Variants in C1orf115 observed in about 807,000 individuals in gnomAD.
The protein encoded by C1orf115 is chromosome 1 open reading frame 115.
A neutral mutation model predicts 12.5 loss-of-function variants in C1orf115; 14 were observed. The ratio of observed to expected loss-of-function variants is 1.12; its 90% CI spans 0.74 to 1.75. The LOEUF (loss-of-function observed/expected upper bound fraction) is 1.75. Among genes scored for constraint, C1orf115 ranks in the 40% most tolerant of loss-of-function variants. C1orf115 has a pLI of 0.00. For synonymous variants in C1orf115, 109 were observed against 104.6 expected (o/e 1.04, Z -0.26); for missense variants, 237 against 220.8 (o/e 1.07, Z -0.46).
rs1670214182 is a variant in C1orf115, at chr1:220,697,590, C to T, written c.*859C>T. 6.6e-6 allele frequency: 1 copy of T among 152,352 alleles called. No homozygotes were observed. Among genetic ancestry groups the T allele is most frequent in the Admixed American group, 6.5e-5 (1 of 15,288 alleles). 9.4% of individuals were successfully genotyped at this position (152,352 alleles called of 1,614,324 possible). ...GCTGTGGTCAGGGTGCTACTAGCAC[C>T]ATCAGCGCACTCCCGCCATTGGCTC... On this transcript the variant is annotated 3_prime_UTR_variant, in exon 2 of 2. Coordinates refer to ENST00000294889, the MANE Select transcript of C1orf115 (RefSeq NM_024709.5). This position sits in a 1 kb window ranked among gnomAD's most constrained non-coding sequence, Gnocchi z 4.5.
At chr1:220,696,272 C>T (rs1185430933) in intron 1 of C1orf115, among the ~76,000 whole-genome samples, 1 of 152,180 alleles carries the variant, frequency 6.6e-6, no homozygotes, top group Non-Finnish European at 1.5e-5. Flanking sequence ...GAGGAGTGAT[C>T]TTTGGTTTAA....
At position 220,690,459 on chromosome 1, in the gene C1orf115, G is replaced by T; in HGVS notation, c.57G>T (p.Gly19=). The change falls in exon 1 of 2, where the codon GGG becomes GGT. Residue 19 remains glycine, a synonymous_variant. Coordinates refer to ENST00000294889, the MANE Select transcript of C1orf115 (RefSeq NM_024709.5). ...CGGAGAGCAGCCTCCTGCGCCGCGG[G>T]CCCCGAGGGCGAGGGCGAACCGAGG... ...SKAESSLLRR[G]PRGRGRTEGD... 2 of 1,445,886 alleles carry T rather than the reference G, an allele frequency of 1.4e-6. No homozygotes were observed. The highest frequency in any genetic ancestry group is 1.8e-6 in the Non-Finnish European group (2 of 1,106,478). 89.6% of individuals were successfully genotyped at this position (1,445,886 alleles called of 1,614,324 possible).
chr1:220,695,982 C>A (rs1277622069), intron 1 of C1orf115, among the ~76,000 whole-genome samples: 1 of 152,112 alleles, frequency 6.6e-6, no homozygotes, highest in African/African-American at 2.4e-5. Flanking sequence ...TGAATGTCCC[C>A]TACCCAGCCT....
Position 220,690,490 on chromosome 1 carries a change from G to T in C1orf115, c.88G>T (p.Glu30Ter). Residue 30 changes from glutamate (E) to a stop codon, truncating the protein, a stop_gained, in exon 1 of 2, where the codon GAG becomes TAG. Coordinates refer to ENST00000294889, the MANE Select transcript of C1orf115 (RefSeq NM_024709.5). LOFTEE classifies it high-confidence loss of function. ...AGGGCGAGGGCGAACCGAGGGGGACGAGGAGGCGGCCGCCATCCTGGAGCA... is the reference window on the plus strand; with the variant it reads ...AGGGCGAGGGCGAACCGAGGGGGACTAGGAGGCGGCCGCCATCCTGGAGCA... ...PRGRGRTEGDEEAAAILEHLE... is the reference protein window; with the variant it reads ...PRGRGRTEGD 1 of 1,435,590 alleles carries T rather than the reference G, an allele frequency of 7.0e-7. No individual in the cohort carries two copies. The highest frequency in any genetic ancestry group is 9.1e-7 in the Non-Finnish European group (1 of 1,101,154). 88.9% of individuals were successfully genotyped at this position (1,435,590 alleles called of 1,614,324 possible).
In C1orf115 at chr1:220,699,064, TA is replaced by T. The variant is rs1473311327; in HGVS notation, c.*2334del. ...CCACACCTTACTGAGTATTGAGTTT[TA>T]GAGCTTTCGCTTGATGTGCTTGACC... On this transcript the variant is annotated 3_prime_UTR_variant, in exon 2 of 2. Transcript: ENST00000294889. 1 of 152,262 alleles carries T rather than the reference TA, an allele frequency of 6.6e-6. No individual in the cohort carries two copies. Among genetic ancestry groups the T allele is most frequent in the East Asian group, 1.9e-4 (1 of 5,202 alleles). 9.4% of individuals were successfully genotyped at this position (152,262 alleles called of 1,614,324 possible). A position where few individuals can be genotyped will look rare whatever the true frequency, so the allele number is the denominator to read the frequency against.
In C1orf115 at chr1:220,690,438, G is replaced by A. The variant is rs568991746; in HGVS notation, c.36G>A (p.Glu12=). The part of the protein sequence containing the change: ...TVGARLRSKA[E]SSLLRRGPRG... ...GAGCCAGGCTCCGAAGCAAGGCGGA[G>A]AGCAGCCTCCTGCGCCGCGGGCCCC... Residue 12 remains glutamate, a synonymous_variant, in exon 1 of 2, where the codon GAG becomes GAA. Coordinates refer to ENST00000294889, the MANE Select transcript of C1orf115 (RefSeq NM_024709.5). 2.4e-5 allele frequency: 35 copies of A among 1,446,102 alleles called. No individual in the cohort carries two copies. The Admixed American group carries it at 9.4e-4, about 39-fold the overall frequency. The allele number at this position is 1,446,102 out of a possible 1,614,324, so 89.6% of individuals were successfully genotyped here.
At position 220,690,462 on chromosome 1, in the gene C1orf115, C is replaced by CCGAGGG; in HGVS notation, c.70_75dup (p.Gly24_Arg25dup). ...AGAGCAGCCTCCTGCGCCGCGGGCCCCGAGGGCGAGGGCGAACCGAGGGGG... is the reference window on the plus strand; with the variant it reads ...AGAGCAGCCTCCTGCGCCGCGGGCCCCGAGGGCGAGGGCGAGGGCGAACCGAGGGGG... On this transcript the variant is annotated inframe_insertion, in exon 1 of 2. Transcript: ENST00000294889. The CCGAGGG allele has an allele frequency of 3.5e-6, 5 of 1,446,964 alleles. No individual in the cohort carries two copies. The highest frequency in any genetic ancestry group is 4.5e-6 in the Non-Finnish European group (5 of 1,106,724). 89.6% of individuals were successfully genotyped at this position (1,446,964 alleles called of 1,614,324 possible).
rs748428279 is a variant in C1orf115, at chr1:220,690,660, G to C, written c.258G>C (p.Pro86=). 6.3e-7 allele frequency: 1 copy of C among 1,593,224 alleles called. No individual in the cohort carries two copies. Among genetic ancestry groups the C allele is most frequent in the African/African-American group, 1.4e-5 (1 of 73,496 alleles). ...ACGAGCCACTGGAGGAGCCGGCGCC[G>C]AGCGAGCAGCCCAGGAAGAGGTACC... ...ERYEPLEEPA[P]SEQPRKRYRR... The change falls in exon 1 of 2, where the codon CCG becomes CCC. Residue 86 remains proline (P), a synonymous_variant. Coordinates refer to ENST00000294889, the MANE Select transcript of C1orf115 (RefSeq NM_024709.5).
Position 220,690,389 on chromosome 1 carries a change from G to A in C1orf115, c.-14G>A. On this transcript the variant is annotated 5_prime_UTR_variant, in exon 1 of 2. Coordinates refer to ENST00000294889, the MANE Select transcript of C1orf115 (RefSeq NM_024709.5). ...TCTTTGCGCTCGGACCTTCGCCAGA[G>A]GGGCCGGGACATCATGACGGTGGGA... is the stretch of plus-strand genomic sequence containing the variant. The A allele has an allele frequency of 7.2e-7, 1 of 1,395,754 alleles. No homozygotes were observed. Among genetic ancestry groups the A allele is most frequent in the Non-Finnish European group, 9.2e-7 (1 of 1,082,068 alleles). 86.5% of individuals were successfully genotyped at this position (1,395,754 alleles called of 1,614,324 possible).
chr1:220,694,661 C>G (rs1269932797), intron 1 of C1orf115, among the ~76,000 whole-genome samples: 1 of 152,196 alleles, frequency 6.6e-6, no homozygotes, highest in Non-Finnish European at 1.5e-5. Flanking sequence ...AGTAGCCAAT[C>G]CACGTTAGGT....
In C1orf115 at chr1:220,690,557, G is replaced by C; in HGVS notation, c.155G>C (p.Gly52Ala). The change falls in exon 1 of 2, where the codon GGG becomes GCG. Residue 52 changes from glycine to alanine, a missense_variant. By Grantham distance (60) the Gly-to-Ala change is moderately conservative. Transcript: ENST00000294889. ...GAGGCGGAGGCGGCGGCCGAGAGCG[G>C]GACGAGCGCGGCGGACGAGCGGGGC... ...ADEAEAAAES[G>A]TSAADERGPG... 6.8e-7 allele frequency: 1 copy of C among 1,475,016 alleles called. No individual in the cohort carries two copies. The highest frequency in any genetic ancestry group is 8.9e-7 in the Non-Finnish European group (1 of 1,117,886). 91.4% of individuals were successfully genotyped at this position (1,475,016 alleles called of 1,614,324 possible). A position where few individuals can be genotyped will look rare whatever the true frequency, so the allele number is the denominator to read the frequency against.
chr1:220,690,456 CG>C lies in C1orf115; in HGVS notation c.57del (p.Arg21GlufsTer78). The C allele has an allele frequency of 1.4e-6, 2 of 1,448,410 alleles. No homozygotes were observed. Among genetic ancestry groups the C allele is most frequent in the South Asian group, 1.4e-5 (1 of 71,468 alleles). The allele number at this position is 1,448,410 out of a possible 1,614,324, so 89.7% of individuals were successfully genotyped here. On this transcript the variant is annotated frameshift_variant, in exon 1 of 2. Transcript: ENST00000294889. LOFTEE classifies it high-confidence loss of function. ...SKAESSLLRRGPRGRGRTEGD... is the reference protein window; with the variant it reads ...SKAESSLLRRXPRGRGRTEGD... ...AGGCGGAGAGCAGCCTCCTGCGCCG[CG>C]GGCCCCGAGGGCGAGGGCGAACCGA... is the stretch of plus-strand genomic sequence containing the variant.
chr1:220,690,867 C>G (rs1049760912), intron 1 of C1orf115, among the ~76,000 whole-genome samples, 156 bp downstream of exon 1: 8 of 152,114 alleles, frequency 5.3e-5, no homozygotes, highest in South Asian at 2.1e-4. Flanking sequence ...AGGGAAGCCG[C>G]GAGTTGCGAG....
At chr1:220,694,258 TG>T (rs974724651) in intron 1 of C1orf115, among the ~76,000 whole-genome samples, 1 of 152,160 alleles carries the variant, frequency 6.6e-6, no homozygotes, top group African/African-American at 2.4e-5. Context: ...TAGCTGACAT[TG>T]GGGGGCACTT....
chr1:220,696,766 C>G lies in C1orf115; in HGVS notation c.*35C>G. 6.5e-7 allele frequency: 1 copy of G among 1,550,318 alleles called. No individual in the cohort carries two copies. Among genetic ancestry groups the G allele is most frequent in the South Asian group, 1.2e-5 (1 of 84,358 alleles). On this transcript the variant is annotated 3_prime_UTR_variant, in exon 2 of 2. Transcript: ENST00000294889. ...CTGTGGCAGGTGCCCCCAGAGTGAA[C>G]GGGAGCCCCTGCTGTGGGAACTTTG...
intron 1 of C1orf115, among the ~76,000 whole-genome samples, chr1:220,692,615 C>A (rs918491841): frequency 6.6e-6 from 1 of 152,116 alleles, no homozygotes. Flanking sequence ...GGAGATGGAA[C>A]ACAGATTGGT....
Position 220,699,107 on chromosome 1 carries a change from A to T in C1orf115, c.*2376A>T, listed in dbSNP as rs576120490. 1 of 152,018 alleles carries T rather than the reference A, an allele frequency of 6.6e-6. No individual in the cohort carries two copies. The highest frequency in any genetic ancestry group is 2.1e-4 in the South Asian group (1 of 4,810). The allele number at this position is 152,018 out of a possible 1,614,324, so 9.4% of individuals were successfully genotyped here. The stretch of plus-strand genomic sequence containing the variant: ...TGCTTGACCAAGAGACTTCTTTTGT[A>T]TCCTTTTCTTGTCCTATGATGTAAA... On this transcript the variant is annotated 3_prime_UTR_variant, in exon 2 of 2. Coordinates refer to ENST00000294889, the MANE Select transcript of C1orf115 (RefSeq NM_024709.5).
In C1orf115 at chr1:220,696,740, G is replaced by A. The variant is rs1369720683; in HGVS notation, c.*9G>A. On this transcript the variant is annotated 3_prime_UTR_variant, in exon 2 of 2. Coordinates refer to ENST00000294889, the MANE Select transcript of C1orf115 (RefSeq NM_024709.5). ...TATCCTTCGTGCGCTAATGGGAGCTGCTGTGGCAGGTGCCCCCAGAGTGAA... is the reference window on the plus strand; with the variant it reads ...TATCCTTCGTGCGCTAATGGGAGCTACTGTGGCAGGTGCCCCCAGAGTGAA... 3.2e-6 allele frequency: 5 copies of A among 1,577,304 alleles called. No individual in the cohort carries two copies. Among genetic ancestry groups the A allele is most frequent in the Non-Finnish European group, 4.3e-6 (5 of 1,150,874 alleles).
At chr1:220,692,391 A>G (rs415273) in intron 1 of C1orf115, among the ~76,000 whole-genome samples, 26,895 of 152,200 alleles carry the variant, frequency 0.18, 3,820 homozygotes, top group East Asian at 0.42. Context: ...GAAACAACCC[A>G]AATGTCCCTA....
Sources: gnomAD v4.1 joint callset for allele counts (sites outside exome capture counted in the v4.1 genomes callset) on GRCh38, gnomAD v4.1.1 for gene constraint, Gnocchi (gnomAD v3.1) non-coding constraint, MANE v1.5 for transcripts, NCBI Gene and HGNC (gene_info 2026-07-23, HGNC 2026-07-21) for gene names.